The following PCDH15 variants were observed in gnomAD, a reference collection of about 807,000 sequenced individuals.
The protein encoded by PCDH15 is protocadherin-15.
PCDH15 carries 129 observed loss-of-function variants against 178.5 expected under a neutral mutation model. That is an observed-to-expected ratio of 0.72 (90% confidence interval 0.63 to 0.84). The LOEUF (loss-of-function observed/expected upper bound fraction) is 0.84, where lower values mean the gene tolerates loss of function less well. Among genes scored for constraint, PCDH15 ranks in the 40% least tolerant of loss-of-function variants. The pLI, the probability that PCDH15 is intolerant of heterozygous loss-of-function variation, is 0.00. For synonymous variants in PCDH15, 800 were observed against 732.0 expected (o/e 1.09, Z -1.50); for missense variants, 2,230 against 2,099.9 (o/e 1.06, Z -1.21).
intron 3 of PCDH15, among the ~76,000 whole-genome samples, chr10:54,380,690 CATATATATATGCTCCATATAT>C (rs1949095916): frequency 4.4e-5 from 2 of 45,500 alleles, no homozygotes; most frequent in Admixed American, 5.4e-4. Context: ...ATATATGCTC[CATATATATATGCTCCATATAT>C]ATATATATAT....
chr10:54,549,340 A>G (rs888269003), intron 2 of PCDH15, among the ~76,000 whole-genome samples: 7 of 151,918 alleles, frequency 4.6e-5, no homozygotes, highest in African/African-American at 1.2e-4. Flanking sequence ...TTAGAATCAC[A>G]TTTCAAAAAT....
rs2088197090 is a variant in PCDH15, at chr10:54,561,793, A to G, written c.92-33916T>C. 2.0e-5 allele frequency among the ~76,000 whole-genome samples: 3 copies of G among 151,922 alleles called. No individual in the cohort carries two copies. The Middle Eastern group carries it at 0.01, about 520-fold the overall frequency. ...GTCAACAATTCATTAAAATGAAAAA[A>G]ACCTTAATTCTGATTTACAAAATGA... is the stretch of plus-strand genomic sequence containing the variant. On this transcript the variant is annotated intron_variant, in intron 2 of 37. Coordinates refer to ENST00000644397, the MANE Select transcript of PCDH15 (RefSeq NM_001384140.1).
intron 13 of PCDH15, among the ~76,000 whole-genome samples, chr10:54,162,914 TG>T (rs1288585867): frequency 2.0e-5 from 3 of 152,186 alleles, no homozygotes; most frequent in Admixed American, 2.0e-4. Flanking sequence ...TTTCCTAGTA[TG>T]ACAGAGTCGA....
chr10:54,118,069 G>C (rs533928217), intron 15 of PCDH15, among the ~76,000 whole-genome samples: 113 of 152,236 alleles, frequency 7.4e-4, no homozygotes, highest in African/African-American at 2.6e-3. Flanking sequence ...CAGTGAAAAA[G>C]AGCCCAAATA....
intron 1 of PCDH15, among the ~76,000 whole-genome samples, chr10:54,739,794 T>C (rs890114472): frequency 6.6e-6 from 1 of 151,906 alleles, no homozygotes; most frequent in African/African-American, 2.4e-5. Context: ...AACAAATACT[T>C]TTCAATGAAT....
chr10:53,849,621 T>TTG (rs2132905276), intron 28 of PCDH15, among the ~76,000 whole-genome samples: 1 of 152,000 alleles, frequency 6.6e-6, no homozygotes, highest in African/African-American at 2.4e-5. Context: ...TCCCAGCACT[T>TTG]TGGGAGGCTG....
intron 2 of PCDH15, among the ~76,000 whole-genome samples, chr10:54,962,719 G>C (rs1474036641): frequency 6.6e-6 from 1 of 152,168 alleles, no homozygotes; most frequent in Non-Finnish European, 1.5e-5. Context: ...GTGCACTGTG[G>C]CTGGACTCCT....
chr10:54,787,226 C>A (rs1950963841), intron 1 of PCDH15, among the ~76,000 whole-genome samples: 1 of 148,494 alleles, frequency 6.7e-6, no homozygotes, highest in South Asian at 2.1e-4. Context: ...AAATATAGGC[C>A]AACATTTAAA....
chr10:54,028,463 A>T (rs561155309), intron 18 of PCDH15, among the ~76,000 whole-genome samples: 29 of 152,128 alleles, frequency 1.9e-4, no homozygotes, highest in African/African-American at 7.0e-4. Context: ...ACTAGAAATC[A>T]TGCTGCTATA....
chr10:53,992,492 GAGATGA>G (rs2091590408), intron 21 of PCDH15, among the ~76,000 whole-genome samples: 3 of 152,078 alleles, frequency 2.0e-5, no homozygotes, highest in Admixed American at 2.0e-4. Flanking sequence ...TCACTTGTTG[GAGATGA>G]AGTGAAGATG....
chr10:54,975,670 G>T (rs1209954918), intron 2 of PCDH15, among the ~76,000 whole-genome samples: 2 of 152,020 alleles, frequency 1.3e-5, no homozygotes, highest in East Asian at 3.9e-4. Context: ...GAAAGAGAGA[G>T]ACTTCTAAAA....
chr10:55,106,823 T>C (rs930518990), intron 2 of PCDH15, among the ~76,000 whole-genome samples: 12 of 152,220 alleles, frequency 7.9e-5, no homozygotes, highest in African/African-American at 2.7e-4. Flanking sequence ...CAGGATTTAT[T>C]TGTGAATTCC....
intron 2 of PCDH15, among the ~76,000 whole-genome samples, chr10:55,558,341 G>A (rs1386540492): frequency 1.3e-5 from 2 of 152,108 alleles, no homozygotes; most frequent in African/African-American, 2.4e-5. Context: ...TAATTTGTCT[G>A]GATTGGAATT....
chr10:54,843,675 T>C (rs888226424), intron 3 of PCDH15, among the ~76,000 whole-genome samples: 2 of 152,018 alleles, frequency 1.3e-5, no homozygotes, highest in Non-Finnish European at 2.9e-5. Context: ...ATGATTTCAT[T>C]AAGATAATTT....
chr10:54,495,620 G>A (rs1196552350), intron 3 of PCDH15, among the ~76,000 whole-genome samples: 1 of 152,102 alleles, frequency 6.6e-6, no homozygotes, highest in Non-Finnish European at 1.5e-5. Context: ...GTTAGAGAAA[G>A]GACAAATGGG....
intron 1 of PCDH15, among the ~76,000 whole-genome samples, chr10:55,216,641 T>C (rs1052213924): frequency 6.6e-6 from 1 of 151,924 alleles, no homozygotes; most frequent in African/African-American, 2.4e-5. Context: ...GTGATGGATA[T>C]GCTAATTACC....
At position 54,119,905 on chromosome 10, in the gene PCDH15, A is replaced by G. The variant is rs375872458; in HGVS notation, c.1917+12970T>C. ...GCGATCTACATTAGGTATATCTCCT[A>G]ATGTTATCCCTCCCCTAGCTCCCCA... On this transcript the variant is annotated intron_variant, in intron 15 of 37. Transcript: ENST00000644397. Among the ~76,000 whole-genome samples the G allele has an allele frequency of 7.2e-5, 11 of 152,086 alleles. No individual in the cohort carries two copies. The South Asian group carries it at 2.3e-3, about 32-fold the overall frequency.
chr10:54,515,658 A>C (rs527242410), intron 3 of PCDH15, among the ~76,000 whole-genome samples: 1 of 152,180 alleles, frequency 6.6e-6, no homozygotes, highest in Non-Finnish European at 1.5e-5. Flanking sequence ...GCAGCTGGAG[A>C]TCTGAGAATG....
At chr10:54,412,878 C>T (rs776593575) in intron 3 of PCDH15, among the ~76,000 whole-genome samples, 1 of 152,116 alleles carries the variant, frequency 6.6e-6, no homozygotes, top group Admixed American at 6.6e-5. Flanking sequence ...TGAGCCACCA[C>T]GCCTGGCCAT....
Sources: allele counts gnomAD v4.1 joint callset (sites outside exome capture counted in the v4.1 genomes callset), GRCh38; gene constraint gnomAD v4.1.1; transcripts MANE v1.5; gene names NCBI Gene and HGNC (gene_info 2026-07-23, HGNC 2026-07-21).